Variants in CDK8 observed in about 807,000 individuals in gnomAD.
CDK8 encodes cyclin dependent kinase 8.
CDK8 carries 29 observed loss-of-function variants against 71.5 expected under a neutral mutation model. The observed-to-expected ratio is 0.41, with a 90% CI of 0.30 to 0.55. The LOEUF is 0.55. Ranked by LOEUF, CDK8 falls within the 20% of genes least tolerant of loss-of-function variation. CDK8 has a pLI of 0.37. For missense variants in CDK8, 288 were observed against 572.6 expected (o/e 0.50, Z 5.07); for synonymous variants, 161 against 192.1 (o/e 0.84, Z 1.34).
chr13:26,329,898 C>G (rs900484867), intron 1 of CDK8, among the ~76,000 whole-genome samples: 1 of 152,116 alleles, frequency 6.6e-6, no homozygotes, highest in African/African-American at 2.4e-5. Context: ...TGCTGCTAGT[C>G]TTTACTATTC....
In CDK8 at chr13:26,400,323, T is replaced by C. The variant is rs918796840; in HGVS notation, c.934-130T>C. The C allele has an allele frequency of 2.1e-5, 14 of 655,106 alleles. No individual in the cohort carries two copies. The African/African-American group carries it at 2.3e-4, about 11-fold the overall frequency. The allele number at this position is 655,106 out of a possible 1,614,324, so 40.6% of individuals were successfully genotyped here. On this transcript the variant is annotated intron_variant, in intron 9 of 12. Transcript: ENST00000381527. ...ATTTAACAACTAGGAGTTTTGTTGT[T>C]AATTTGGGGGAATAAATATTTTCCA...
chr13:26,270,307 T>G (rs1207651589), intron 1 of CDK8, among the ~76,000 whole-genome samples: 1 of 151,710 alleles, frequency 6.6e-6, no homozygotes, highest in African/African-American at 2.4e-5. Flanking sequence ...GAGAATCATT[T>G]GAACCCAGGA....
At chr13:26,359,284 C>T (rs553875590) in intron 4 of CDK8, among the ~76,000 whole-genome samples, 62 of 118,244 alleles carry the variant, frequency 5.2e-4, no homozygotes, top group Admixed American at 9.0e-4. Flanking sequence ...TGGAGATGTA[C>T]GGTGGTTGCA....
chr13:26,261,241 G>A (rs1428357131), intron 1 of CDK8, among the ~76,000 whole-genome samples: 1 of 152,178 alleles, frequency 6.6e-6, no homozygotes, highest in Non-Finnish European at 1.5e-5. Context: ...TGCCTTTACT[G>A]ATGGAGTTAT....
At chr13:26,343,538 C>G (rs1873330939) in intron 2 of CDK8, among the ~76,000 whole-genome samples, 1 of 151,916 alleles carries the variant, frequency 6.6e-6, no homozygotes, top group Non-Finnish European at 1.5e-5. Flanking sequence ...GTTCAAGGTC[C>G]CCCCAAAACA....
Position 26,401,679 on chromosome 13 carries a change from T to G in CDK8, c.1269+55T>G. ...ATGTCAGTGTTTACATATGGGTTTA[T>G]GATCGTGGGAAAATGTGATTTAATT... On this transcript the variant is annotated intron_variant, in intron 12 of 12. Transcript: ENST00000381527. This position sits in a 1 kb window ranked among gnomAD's most constrained non-coding sequence, Gnocchi z 4.5. 6.4e-7 allele frequency: 1 copy of G among 1,554,342 alleles called. No homozygotes were observed. The highest frequency in any genetic ancestry group is 1.1e-5 in the South Asian group (1 of 89,642).
intron 2 of CDK8, among the ~76,000 whole-genome samples, chr13:26,342,544 AT>A (rs1454128639): frequency 6.6e-6 from 1 of 152,162 alleles, no homozygotes; most frequent in Non-Finnish European, 1.5e-5. Context: ...TGTAGTAGGC[AT>A]TTAGTAAATG....
intron 4 of CDK8, among the ~76,000 whole-genome samples, chr13:26,368,338 C>A (rs941696618): frequency 6.6e-6 from 1 of 152,184 alleles, no homozygotes; most frequent in African/African-American, 2.4e-5. Flanking sequence ...TCTCTAAAAA[C>A]CAAATCACAT....
chr13:26,398,691 C>T (rs934550115), intron 9 of CDK8, among the ~76,000 whole-genome samples: 3 of 152,094 alleles, frequency 2.0e-5, no homozygotes, highest in African/African-American at 4.8e-5. Context: ...TATGTCGTGT[C>T]GGCCTGGCGT....
intron 1 of CDK8, among the ~76,000 whole-genome samples, chr13:26,260,459 G>T (rs9578983): frequency 0.11 from 16,456 of 152,190 alleles, 2,631 homozygotes; most frequent in African/African-American, 0.35. Context: ...TTTGCCTGGG[G>T]CTCTGGTTGG....
chr13:26,294,132 C>CTTT lies in CDK8; in HGVS notation c.128+39373_128+39375dup, dbSNP rs35555772. 5.8e-3 allele frequency among the ~76,000 whole-genome samples: 860 copies of CTTT among 147,170 alleles called. 13 individuals are homozygous for CTTT. Among genetic ancestry groups the CTTT allele is most frequent in the African/African-American group, 0.02 (810 of 40,130 alleles). On this transcript the variant is annotated intron_variant, in intron 1 of 12. Transcript: ENST00000381527. ...TTAAAGGCTAAATAATATTCTGCACCTTTTTTTTTTTTCTTCAGAGGTGGG... is the reference window on the plus strand; with the variant it reads ...TTAAAGGCTAAATAATATTCTGCACCTTTTTTTTTTTTTTTCTTCAGAGGTGGG...
In CDK8 at chr13:26,341,293, A is replaced by G. The variant is rs9579002; in HGVS notation, c.204+3651A>G. On this transcript the variant is annotated intron_variant, in intron 2 of 12. Coordinates refer to ENST00000381527, the MANE Select transcript of CDK8 (RefSeq NM_001260.3). ...AGGTGCGCGCCACCACACCCAGCTA[A>G]TGTTTATATTTTTAGTAGAGATGGG... Among the ~76,000 whole-genome samples the G allele has an allele frequency of 6.8e-3, 1,034 of 152,064 alleles. 8 individuals carry two copies. Among genetic ancestry groups the G allele is most frequent in the Middle Eastern group, 0.024 (7 of 294 alleles).
At chr13:26,316,472 A>T (rs558811534) in intron 1 of CDK8, among the ~76,000 whole-genome samples, 1 of 152,182 alleles carries the variant, frequency 6.6e-6, no homozygotes, top group Middle Eastern at 3.2e-3. Flanking sequence ...CTTCTGGCAG[A>T]TTTTAAAAGC....
intron 1 of CDK8, among the ~76,000 whole-genome samples, chr13:26,261,718 T>A (rs1871780103): frequency 6.6e-6 from 1 of 152,232 alleles, no homozygotes; most frequent in Non-Finnish European, 1.5e-5. Context: ...AATTGGGCGT[T>A]TGGGTTGTTT....
chr13:26,289,166 T>C (rs1268166809), intron 1 of CDK8, among the ~76,000 whole-genome samples: 1 of 150,810 alleles, frequency 6.6e-6, no homozygotes, highest in Non-Finnish European at 1.5e-5. Context: ...GCAGTTCTTC[T>C]GCCTCAGCCT....
intron 1 of CDK8, among the ~76,000 whole-genome samples, chr13:26,315,669 G>C (rs1429817569): frequency 6.6e-6 from 1 of 152,158 alleles, no homozygotes; most frequent in East Asian, 1.9e-4. Context: ...TCTGGAATCT[G>C]ACTGCCTGGG....
chr13:26,396,303 T>C lies in CDK8; in HGVS notation c.809T>C (p.Ile270Thr). The C allele has an allele frequency of 7.0e-7, 1 of 1,426,986 alleles. No individual in the cohort carries two copies. The highest frequency in any genetic ancestry group is 9.6e-7 in the Non-Finnish European group (1 of 1,036,450). The allele number at this position is 1,426,986 out of a possible 1,614,324, so 88.4% of individuals were successfully genotyped here. Residue 270 changes from isoleucine to threonine, a missense_variant, in exon 8 of 13, where the codon ATA becomes ACA. By Grantham distance (89) the Ile-to-Thr change is moderately conservative (BLOSUM62 -1). This residue lies in a region of CDK8 where 96 missense variants were observed against 229.8 expected (regional missense o/e 0.42). Coordinates refer to ENST00000381527, the MANE Select transcript of CDK8 (RefSeq NM_001260.3). Reference protein sequence around the residue: ...GFPADKDWEDIKKMPEHSTLM... With the variant: ...GFPADKDWEDTKKMPEHSTLM... ...TTCACAGATAAAGATTGGGAAGATA[T>C]AAAAAAGATGCCTGAACATTCAACA...
rs58160694 is a variant in CDK8, at chr13:26,271,806, CTTTTTTTTTT to C, written c.128+17064_128+17073del. On this transcript the variant is annotated intron_variant, in intron 1 of 12. Coordinates refer to ENST00000381527, the MANE Select transcript of CDK8 (RefSeq NM_001260.3). ...CCTGGGGGACAGAGTGAGACCCTGT[CTTTTTTTTTT>C]TTTTTTTTTTTTTTTTTTTTTTTTT... Among the ~76,000 whole-genome samples, 202 of 62,656 alleles carry C rather than the reference CTTTTTTTTTT, an allele frequency of 3.2e-3. 2 individuals are homozygous for C. Among genetic ancestry groups the C allele is most frequent in the Middle Eastern group, 8.8e-3 (1 of 114 alleles). The allele number at this position is 62,656 out of a possible 152,430, so 41.1% of individuals were successfully genotyped here.
At chr13:26,393,340 CT>C (rs376033714) in intron 6 of CDK8, 26 bp from the exon 7 acceptor site, 20,288 of 1,053,358 alleles carry the variant, frequency 0.019, 3 homozygotes, top group South Asian at 0.032. Context: ...ATTTTTCTTT[CT>C]TTTTTTTTTT....
Sources: gnomAD v4.1 joint callset for allele counts (sites outside exome capture counted in the v4.1 genomes callset) on GRCh38, gnomAD v4.1.1 for gene constraint, gnomAD v4.1.1 regional missense constraint, Gnocchi (gnomAD v3.1) non-coding constraint, MANE v1.5 for transcripts, NCBI Gene and HGNC (gene_info 2026-07-23, HGNC 2026-07-21) for gene names.